GPC6: variants seen among roughly 807,000 people sequenced by gnomAD.
The protein encoded by GPC6 is glypican-6.
GPC6 carries 14 observed loss-of-function variants against 55.2 expected under a neutral mutation model. The ratio of observed to expected loss-of-function variants is 0.25; its 90% CI spans 0.17 to 0.40. The LOEUF is 0.40. GPC6 is among the 10% of genes least tolerant of loss of function. GPC6 has a pLI of 1.00. For synonymous variants in GPC6, 278 were observed against 259.6 expected, an observed-to-expected ratio of 1.07 and a Z score of -0.68; for missense variants, 641 against 708.5, an observed-to-expected ratio of 0.90 and a Z score of 1.08.
intron 4 of GPC6, among the ~76,000 whole-genome samples, chr13:94,218,880 T>C (rs1350865273): frequency 6.6e-6 from 1 of 152,192 alleles, no homozygotes; most frequent in Admixed American, 6.6e-5. Flanking sequence ...GACTTCGTAT[T>C]TTTATAAGCA....
chr13:93,525,096 G>A (rs937059719), intron 1 of GPC6, among the ~76,000 whole-genome samples: 2 of 152,036 alleles, frequency 1.3e-5, no homozygotes, highest in African/African-American at 4.8e-5. Flanking sequence ...TGCAAGCATG[G>A]CTAGATTCCA....
intron 2 of GPC6, 71 bp downstream of exon 2, chr13:93,545,492 A>G: frequency 7.7e-7 from 1 of 1,304,616 alleles, no homozygotes; most frequent in Non-Finnish European, 1.1e-6. Flanking sequence ...TATCATATGA[A>G]AAATATTTTT....
intron 2 of GPC6, among the ~76,000 whole-genome samples, chr13:93,606,922 A>G (rs1020120255): frequency 3.3e-5 from 5 of 152,226 alleles, no homozygotes; most frequent in African/African-American, 1.2e-4. Flanking sequence ...AGAGATTTGT[A>G]CTGATATTTT....
intron 6 of GPC6, among the ~76,000 whole-genome samples, chr13:94,375,422 C>A (rs1054518170): frequency 6.6e-6 from 1 of 152,086 alleles, no homozygotes; most frequent in Admixed American, 6.5e-5. Context: ...ACAAACACCT[C>A]TATGCAAATA....
At chr13:93,245,855 C>A (rs1876586598) in intron 1 of GPC6, among the ~76,000 whole-genome samples, 1 of 152,184 alleles carries the variant, frequency 6.6e-6, no homozygotes, top group South Asian at 2.1e-4. Context: ...CAGAATGGGA[C>A]CAGAGCAGTC....
chr13:93,556,200 A>G (rs1875453947), intron 2 of GPC6, among the ~76,000 whole-genome samples: 1 of 151,936 alleles, frequency 6.6e-6, no homozygotes, highest in African/African-American at 2.4e-5. Context: ...GAACTACACA[A>G]TTATTATCCT....
intron 4 of GPC6, among the ~76,000 whole-genome samples, chr13:94,142,041 T>A (rs996213170): frequency 6.6e-6 from 1 of 152,126 alleles, no homozygotes; most frequent in African/African-American, 2.4e-5. Flanking sequence ...GAAATCTTAT[T>A]GAATATCCTA....
intron 1 of GPC6, among the ~76,000 whole-genome samples, chr13:93,495,195 G>C (rs113331836): frequency 0.2 from 14,845 of 75,804 alleles, 1,791 homozygotes; most frequent in Middle Eastern, 0.26. Flanking sequence ...TCACATAGTC[G>C]CATATTTCTT....
At chr13:93,837,118 G>A (rs1217305943) in intron 3 of GPC6, among the ~76,000 whole-genome samples, 1 of 152,154 alleles carries the variant, frequency 6.6e-6, no homozygotes, top group Non-Finnish European at 1.5e-5. Flanking sequence ...GGAAAATGAA[G>A]CTATCTATTT....
chr13:93,886,932 C>A (rs138998666), intron 3 of GPC6, among the ~76,000 whole-genome samples: 2 of 151,860 alleles, frequency 1.3e-5, no homozygotes, highest in East Asian at 3.9e-4. Flanking sequence ...GGAATACATG[C>A]GTCTAACTGG....
intron 2 of GPC6, among the ~76,000 whole-genome samples, chr13:93,772,924 G>A (rs1885349270): frequency 6.6e-6 from 1 of 152,054 alleles, no homozygotes; most frequent in African/African-American, 2.4e-5. Flanking sequence ...TGGATAAAGT[G>A]CTAGGAAAAG....
At chr13:93,684,633 C>T (rs1373536690) in intron 2 of GPC6, among the ~76,000 whole-genome samples, 1 of 152,072 alleles carries the variant, frequency 6.6e-6, no homozygotes. Flanking sequence ...ACTGAGCAAC[C>T]TAGGGGACTA....
intron 1 of GPC6, among the ~76,000 whole-genome samples, chr13:93,488,688 T>A (rs1396263522): frequency 6.6e-6 from 1 of 152,148 alleles, no homozygotes; most frequent in Admixed American, 6.5e-5. Context: ...GGTATCTCAG[T>A]GTGGTTTTGA....
intron 2 of GPC6, among the ~76,000 whole-genome samples, chr13:93,569,561 A>T (rs1876297551): frequency 6.6e-6 from 1 of 150,860 alleles, no homozygotes; most frequent in Admixed American, 6.6e-5. Context: ...AACCACCAGG[A>T]GCGAATGAAC....
At chr13:94,165,903 G>A (rs1888351915) in intron 4 of GPC6, among the ~76,000 whole-genome samples, 1 of 151,944 alleles carries the variant, frequency 6.6e-6, no homozygotes, top group Non-Finnish European at 1.5e-5. Context: ...CCTCCTAATA[G>A]TAAATTTACA....
intron 1 of GPC6, among the ~76,000 whole-genome samples, chr13:93,292,743 GT>G (rs143261031): frequency 0.25 from 37,438 of 151,832 alleles, 4,784 homozygotes; most frequent in African/African-American, 0.31. Flanking sequence ...TTTCCCTATA[GT>G]AAGAAACTTA....
At chr13:93,535,308 G>A (rs969016060) in intron 1 of GPC6, among the ~76,000 whole-genome samples, 9 of 152,104 alleles carry the variant, frequency 5.9e-5, no homozygotes, top group Non-Finnish European at 1.0e-4. Context: ...ATACTTGTAG[G>A]TGTCAGAAGG....
intron 3 of GPC6, among the ~76,000 whole-genome samples, chr13:93,950,865 A>G (rs1171495831): frequency 3.3e-5 from 5 of 152,028 alleles, no homozygotes; most frequent in Admixed American, 6.6e-5. Flanking sequence ...AAGTTCTAAA[A>G]AGCAATTTGT....
chr13:93,504,564 C>A (rs541288010), intron 1 of GPC6, among the ~76,000 whole-genome samples: 1 of 134,640 alleles, frequency 7.4e-6, no homozygotes, highest in Non-Finnish European at 1.6e-5. Context: ...ATCATTGTAT[C>A]TTTAGTGATA....
Sources: allele counts gnomAD v4.1 joint callset (sites outside exome capture counted in the v4.1 genomes callset), GRCh38; gene constraint gnomAD v4.1.1; transcripts MANE v1.5; gene names NCBI Gene and HGNC (gene_info 2026-07-23, HGNC 2026-07-21).